The following CRB1 variants were observed in gnomAD, a reference collection of about 807,000 sequenced individuals.
The protein encoded by CRB1 is protein crumbs homolog 1.
In CRB1, 83 loss-of-function variants were observed where a neutral mutation model predicts 120.0. The ratio of observed to expected loss-of-function variants is 0.69; its 90% CI spans 0.58 to 0.83. CRB1 has a LOEUF of 0.83. Among genes scored for constraint, CRB1 ranks in the 40% least tolerant of loss-of-function variants. The probability of loss-of-function intolerance (pLI) is 0.00; values close to 1 mark genes in which losing one functional copy is unlikely to be tolerated. For missense variants in CRB1, 1,699 were observed against 1,687.6 expected, an observed-to-expected ratio of 1.01 and a Z score of -0.12; for synonymous variants, 625 against 612.5, an observed-to-expected ratio of 1.02 and a Z score of -0.30.
intron 1 of CRB1, among the ~76,000 whole-genome samples, chr1:197,272,372 C>T (rs1284733894): frequency 6.6e-6 from 1 of 152,120 alleles, no homozygotes; most frequent in Non-Finnish European, 1.5e-5. Context: ...CCCAGGGTTT[C>T]CTACATTACA....
intron 1 of CRB1, among the ~76,000 whole-genome samples, chr1:197,302,961 A>T (rs2125256784): frequency 6.6e-6 from 1 of 152,216 alleles, no homozygotes; most frequent in South Asian, 2.1e-4. Context: ...AATCACACAT[A>T]TTTCCTGAAT....
intron 9 of CRB1, among the ~76,000 whole-genome samples, chr1:197,437,002 T>C (rs1054888108): frequency 1.1e-4 from 17 of 152,172 alleles, no homozygotes; most frequent in African/African-American, 4.1e-4. Flanking sequence ...TAAGAAAGAC[T>C]ATTTTTCTTC....
chr1:197,289,167 G>A (rs564473834), intron 1 of CRB1, among the ~76,000 whole-genome samples: 1 of 151,608 alleles, frequency 6.6e-6, no homozygotes, highest in East Asian at 2.0e-4. Flanking sequence ...CAAATCCCAA[G>A]TACAAGAAAC....
upstream of CRB1, among the ~76,000 whole-genome samples, chr1:197,264,296 G>T (rs1488382681): frequency 6.6e-6 from 1 of 152,162 alleles, no homozygotes; most frequent in Non-Finnish European, 1.5e-5. Context: ...TTGCTGTAAA[G>T]ACATGATTTC....
the CRB1 span, among the ~76,000 whole-genome samples, chr1:197,201,621 A>C: frequency 2.6e-5 from 4 of 152,080 alleles, no homozygotes; most frequent in Admixed American, 6.5e-5. Context: ...GCAATGGGAG[A>C]GGGGAGGATG....
chr1:197,217,143 T>G, the CRB1 span, among the ~76,000 whole-genome samples: 1 of 152,172 alleles, frequency 6.6e-6, no homozygotes, highest in Admixed American at 6.5e-5. Flanking sequence ...CTCAATATTG[T>G]TAGTACTTAT....
intron 5 of CRB1, among the ~76,000 whole-genome samples, chr1:197,380,592 A>G (rs1211948576): frequency 1.3e-5 from 2 of 152,214 alleles, no homozygotes; most frequent in African/African-American, 2.4e-5. Flanking sequence ...CAATTTCTCA[A>G]GCATTTCTCA....
intron 5 of CRB1, among the ~76,000 whole-genome samples, chr1:197,408,277 A>G (rs1663522517): frequency 6.6e-6 from 1 of 152,198 alleles, no homozygotes; most frequent in African/African-American, 2.4e-5. Flanking sequence ...GGGATTTTTA[A>G]AAAACTGAAG....
intron 5 of CRB1, among the ~76,000 whole-genome samples, chr1:197,416,778 C>T (rs1664026747): frequency 6.6e-6 from 1 of 152,106 alleles, no homozygotes; most frequent in Non-Finnish European, 1.5e-5. Context: ...GGCACAATCT[C>T]AGCTCACTGC....
intron 5 of CRB1, among the ~76,000 whole-genome samples, chr1:197,406,177 T>G (rs6689702): frequency 0.33 from 50,338 of 152,048 alleles, 8,757 homozygotes; most frequent in African/African-American, 0.43. Context: ...GATGGTTGCC[T>G]TGTCTGTGTA....
upstream of CRB1, among the ~76,000 whole-genome samples, chr1:197,266,499 A>G (rs1324385673): frequency 2.0e-5 from 3 of 152,154 alleles, no homozygotes; most frequent in Non-Finnish European, 4.4e-5. Flanking sequence ...AGGGGGGAAA[A>G]CATTCAGACC....
intron 5 of CRB1, among the ~76,000 whole-genome samples, chr1:197,416,945 T>C (rs1664036630): frequency 6.6e-6 from 1 of 152,150 alleles, no homozygotes; most frequent in Non-Finnish European, 1.5e-5. Context: ...CCTGACCTCA[T>C]GATCCACCCG....
At chr1:197,332,489 CAA>C (rs1352338765) in intron 2 of CRB1, among the ~76,000 whole-genome samples, 1 of 152,068 alleles carries the variant, frequency 6.6e-6, no homozygotes, top group East Asian at 1.9e-4. Context: ...AGAATTTAAA[CAA>C]GAGACTCATA....
chr1:197,253,857 C>T, the CRB1 span, among the ~76,000 whole-genome samples: 12 of 151,770 alleles, frequency 7.9e-5, no homozygotes, highest in Admixed American at 1.3e-4. Flanking sequence ...CTGATAGCTT[C>T]GATTACCACC....
At chr1:197,297,725 C>T (rs1057298889) in intron 1 of CRB1, among the ~76,000 whole-genome samples, 1 of 151,908 alleles carries the variant, frequency 6.6e-6, no homozygotes, top group Non-Finnish European at 1.5e-5. Context: ...CCCCTAAGGT[C>T]CAGTCATTTT....
the CRB1 span, among the ~76,000 whole-genome samples, chr1:197,241,987 CTGTT>C: frequency 1.3e-5 from 2 of 152,088 alleles, no homozygotes; most frequent in African/African-American, 2.4e-5. Flanking sequence ...ATTTGGCTCT[CTGTT>C]TGTCTCATTG....
intron 11 of CRB1, among the ~76,000 whole-genome samples, chr1:197,464,499 G>A (rs1442026783): frequency 6.6e-6 from 1 of 152,072 alleles, no homozygotes; most frequent in Non-Finnish European, 1.5e-5. Context: ...GGGGCAGTGG[G>A]AGTGTTGTTT....
chr1:197,279,990 TTTA>T (rs1449045136), intron 1 of CRB1, among the ~76,000 whole-genome samples: 15 of 151,866 alleles, frequency 9.9e-5, no homozygotes, highest in Admixed American at 5.3e-4. Context: ...TGATGAAGAT[TTTA>T]TTATTCCCAT....
the CRB1 span, among the ~76,000 whole-genome samples, chr1:197,230,997 T>G: frequency 6.6e-6 from 1 of 152,212 alleles, no homozygotes; most frequent in Admixed American, 6.5e-5. Context: ...GCACAGTGTT[T>G]TGCAAACTAT....
Sources: gnomAD v4.1 joint callset for allele counts (sites outside exome capture counted in the v4.1 genomes callset) on GRCh38, gnomAD v4.1.1 for gene constraint, MANE v1.5 for transcripts, NCBI Gene and HGNC (gene_info 2026-07-23, HGNC 2026-07-21) for gene names.